The following SAMD12 variants were observed in gnomAD, a reference collection of about 807,000 sequenced individuals.
SAMD12 encodes sterile alpha motif domain-containing protein 12.
A neutral mutation model predicts 15.0 loss-of-function variants in SAMD12; 9 were observed. The observed-to-expected ratio is 0.60, with a 90% CI of 0.36 to 1.05. SAMD12 has a LOEUF of 1.05. Among genes scored for constraint, SAMD12 ranks in the 50% least tolerant of loss-of-function variants. The probability of loss-of-function intolerance (pLI) is 0.01; values close to 1 mark genes in which losing one functional copy is unlikely to be tolerated. For missense variants in SAMD12, 230 were observed against 234.2 expected (o/e 0.98, Z 0.12); for synonymous variants, 86 against 90.1 (o/e 0.96, Z 0.25).
At chr8:118,482,531 A>G (rs891742882) in intron 2 of SAMD12, among the ~76,000 whole-genome samples, 5 of 152,188 alleles carry the variant, frequency 3.3e-5, no homozygotes, top group African/African-American at 1.2e-4. Flanking sequence ...TATTCTCTAA[A>G]CAATGCAGTA....
exon 5 of SAMD12, chr8:118,197,092 A>G (rs959801423): frequency 1.3e-5 from 2 of 152,336 alleles, no homozygotes; most frequent in South Asian, 4.1e-4. Context: ...AAAAAAAAAA[A>G]CCACTAAGAT....
intron 4 of SAMD12, among the ~76,000 whole-genome samples, chr8:118,351,687 T>TGA (rs1379505671): frequency 1.3e-5 from 2 of 152,030 alleles, no homozygotes; most frequent in Non-Finnish European, 2.9e-5. Flanking sequence ...GTTGAGAAAT[T>TGA]GAGAGAGAAC....
At chr8:118,601,593 G>T (rs1032620270) in intron 1 of SAMD12, among the ~76,000 whole-genome samples, 2 of 152,174 alleles carry the variant, frequency 1.3e-5, no homozygotes, top group African/African-American at 4.8e-5. Flanking sequence ...AGAAATCGTA[G>T]AAATACTGTG....
intron 4 of SAMD12, among the ~76,000 whole-genome samples, chr8:118,314,534 C>T (rs1033698574): frequency 2.0e-5 from 3 of 152,192 alleles, no homozygotes; most frequent in Non-Finnish European, 4.4e-5. Context: ...ACTTTCATAG[C>T]CACATCCATC....
exon 5 of SAMD12, chr8:118,191,545 G>A (rs1243328867): frequency 6.6e-6 from 1 of 151,150 alleles, no homozygotes; most frequent in Non-Finnish European, 1.5e-5. Flanking sequence ...TGCAACCGAA[G>A]GCCTTTTTGA....
intron 2 of SAMD12, among the ~76,000 whole-genome samples, chr8:118,500,051 C>T (rs1216700359): frequency 2.0e-5 from 3 of 147,282 alleles, no homozygotes; most frequent in African/African-American, 5.0e-5. Flanking sequence ...CCAGGATACA[C>T]GCCCCTGAGT....
intron 4 of SAMD12, among the ~76,000 whole-genome samples, chr8:118,345,834 A>C (rs1817608237): frequency 6.6e-6 from 1 of 152,248 alleles, no homozygotes; most frequent in African/African-American, 2.4e-5. Flanking sequence ...CAGGAGACAC[A>C]GTTCCCCACC....
At chr8:118,415,511 G>A (rs1174471695) in intron 3 of SAMD12, among the ~76,000 whole-genome samples, 1 of 143,888 alleles carries the variant, frequency 6.9e-6, no homozygotes, top group African/African-American at 2.5e-5. Flanking sequence ...ATAATCAGTT[G>A]CTTTATATTC....
At chr8:118,259,305 T>C (rs1356561274) in intron 4 of SAMD12, among the ~76,000 whole-genome samples, 1 of 152,148 alleles carries the variant, frequency 6.6e-6, no homozygotes, top group Non-Finnish European at 1.5e-5. Flanking sequence ...TGAAAAAGAA[T>C]GCTTAATGCA....
At chr8:118,553,284 C>T (rs1459078171) in intron 2 of SAMD12, among the ~76,000 whole-genome samples, 6 of 152,144 alleles carry the variant, frequency 3.9e-5, no homozygotes, top group Non-Finnish European at 8.8e-5. Context: ...TCAAACTATA[C>T]TACAAGGCTA....
chr8:118,507,867 G>A (rs1186443030), intron 2 of SAMD12, among the ~76,000 whole-genome samples: 2 of 152,068 alleles, frequency 1.3e-5, no homozygotes, highest in Non-Finnish European at 2.9e-5. Flanking sequence ...AGTACACACA[G>A]GGCTCCTGGA....
chr8:118,148,917 C>T, the SAMD12 span, among the ~76,000 whole-genome samples: 1 of 152,174 alleles, frequency 6.6e-6, no homozygotes, highest in Non-Finnish European at 1.5e-5. Flanking sequence ...CGGCATTTTG[C>T]TTATCCATTC....
At chr8:118,583,871 C>T (rs1216426766) in intron 1 of SAMD12, among the ~76,000 whole-genome samples, 1 of 152,154 alleles carries the variant, frequency 6.6e-6, no homozygotes, top group Non-Finnish European at 1.5e-5. Flanking sequence ...TCTGCCTTGC[C>T]CAGCACAACT....
At chr8:118,308,422 A>G (rs537369407) in intron 4 of SAMD12, among the ~76,000 whole-genome samples, 2 of 152,234 alleles carry the variant, frequency 1.3e-5, no homozygotes, top group South Asian at 2.1e-4. Flanking sequence ...AATTTCCACA[A>G]CTACCCTATG....
At chr8:118,347,465 G>C (rs1039059177) in intron 4 of SAMD12, among the ~76,000 whole-genome samples, 1 of 152,182 alleles carries the variant, frequency 6.6e-6, no homozygotes, top group Non-Finnish European at 1.5e-5. Context: ...GGCCTGCTAT[G>C]TTAACTGCTT....
At chr8:118,575,396 T>C (rs1279774753) in intron 2 of SAMD12, among the ~76,000 whole-genome samples, 1 of 152,210 alleles carries the variant, frequency 6.6e-6, no homozygotes, top group East Asian at 1.9e-4. Context: ...CATTTTAACC[T>C]CTTCTTTTGC....
intron 4 of SAMD12, among the ~76,000 whole-genome samples, chr8:118,334,959 C>G (rs1816987389): frequency 6.6e-6 from 1 of 152,148 alleles, no homozygotes; most frequent in East Asian, 1.9e-4. Flanking sequence ...ATTATTCTAA[C>G]ATTTTCTCAG....
chr8:118,580,933 C>T (rs1446087644), intron 1 of SAMD12, 40 bp from the exon 2 acceptor site: 1 of 1,509,588 alleles, frequency 6.6e-7, no homozygotes, highest in African/African-American at 1.4e-5. Flanking sequence ...AAACAAACCA[C>T]ATAAAGAAGG....
Position 118,602,566 on chromosome 8 carries a change from A to C in SAMD12, c.13+19238T>G, listed in dbSNP as rs115647852. On this transcript the variant is annotated intron_variant, in intron 1 of 3. Coordinates refer to ENST00000314727, the MANE Select transcript of SAMD12 (RefSeq NM_207506.3). The stretch of plus-strand genomic sequence containing the variant: ...CATTGAAACATATCTGAAAATTAAT[A>C]AAATGGGTGGACAGAAGTACAAACT... 1.7e-3 allele frequency among the ~76,000 whole-genome samples: 262 copies of C among 152,378 alleles called. 2 individuals are homozygous for C. The highest frequency in any genetic ancestry group is 0.01 in the Middle Eastern group (3 of 294).
Sources: allele counts gnomAD v4.1 joint callset (sites outside exome capture counted in the v4.1 genomes callset), GRCh38; gene constraint gnomAD v4.1.1; transcripts MANE v1.5; gene names NCBI Gene and HGNC (gene_info 2026-07-23, HGNC 2026-07-21).